Variants in TBC1D24 observed in about 807,000 individuals in gnomAD.
TBC1D24 encodes the protein Infantile myoclonic epilepsy.
A neutral mutation model predicts 50.7 loss-of-function variants in TBC1D24; 47 were observed. That is an observed-to-expected ratio of 0.93 (90% CI 0.73 to 1.18). The LOEUF (loss-of-function observed/expected upper bound fraction) is 1.18, where lower values mean the gene tolerates loss of function less well. TBC1D24 is among the 50% of genes most tolerant of loss of function. The probability of loss-of-function intolerance (pLI) is 0.00; values close to 1 mark genes in which losing one functional copy is unlikely to be tolerated. For missense variants in TBC1D24, 688 were observed against 766.5 expected (o/e 0.90, Z 1.21); for synonymous variants, 324 against 335.2 (o/e 0.97, Z 0.36).
At chr16:2,480,413 A>G (rs1439007076) in intron 1 of TBC1D24, 1 of 152,196 alleles carries the variant, frequency 6.6e-6, no homozygotes. Flanking sequence ...TACAGGCATG[A>G]ACCACTACAC....
intron 1 of TBC1D24, chr16:2,481,848 C>G (rs530947742): frequency 6.6e-6 from 1 of 152,398 alleles, no homozygotes; most frequent in African/African-American, 2.4e-5. Context: ...CACAGGCAGG[C>G]GGGCCAACCG....
chr16:2,496,325 C>T lies in TBC1D24; in HGVS notation c.177C>T (p.Ile59=). 6.8e-6 allele frequency: 11 copies of T among 1,613,634 alleles called. No homozygotes were observed. The highest frequency in any genetic ancestry group is 9.3e-6 in the Non-Finnish European group (11 of 1,180,030). The part of the protein sequence containing the change: ...ALRGKVYQRL[I]RDIPCRTVTP... ...GGGGAAAGGTGTACCAGCGCCTGAT[C>T]CGGGACATTCCCTGCCGCACGGTCA... is the stretch of plus-strand genomic sequence containing the variant. The change falls in exon 2 of 8, where the codon ATC becomes ATT. Residue 59 remains isoleucine, a synonymous_variant. Coordinates refer to ENST00000646147, the MANE Select transcript of TBC1D24 (RefSeq NM_001199107.2).
chr16:2,493,296 G>C (rs1248098435), intron 1 of TBC1D24, among the ~76,000 whole-genome samples: 1 of 151,512 alleles, frequency 6.6e-6, no homozygotes, highest in African/African-American at 2.4e-5. Context: ...CCGCAACCAC[G>C]CCCGGCTAGT....
rs2065650182 is a variant in TBC1D24 at position 2,486,309 on chromosome 16, T to C, written c.-115-9725T>C. On this transcript the variant is annotated intron_variant, in intron 1 of 7. Coordinates refer to ENST00000646147, the MANE Select transcript of TBC1D24 (RefSeq NM_001199107.2). The surrounding 1 kb of genome is among the most constrained non-coding windows in gnomAD (Gnocchi z 5.8). ...CCCACCCATGGGGCCCGGCCTCATT[T>C]CCTCTTCCTCTTCATTCCCGGTCCC... Among the ~76,000 whole-genome samples, 1 of 152,174 alleles carries C rather than the reference T, an allele frequency of 6.6e-6. No homozygotes were observed. Among genetic ancestry groups the C allele is most frequent in the African/African-American group, 2.4e-5 (1 of 41,432 alleles).
chr16:2,498,429 A>G lies in TBC1D24; in HGVS notation c.1142+33A>G, dbSNP rs762195856. On this transcript the variant is annotated intron_variant, in intron 4 of 7. Transcript: ENST00000646147. ...CCCAAGGGGCCAGAGCGGGCGGCAG[A>G]GCCGCCCAGCCACGTGTCCTGCCCA... 5 of 1,572,258 alleles carry G rather than the reference A, an allele frequency of 3.2e-6. No homozygotes were observed. In the Admixed American group the frequency reaches 7.4e-5, roughly 23 times the overall value.
Position 2,500,803 on chromosome 16 carries a change from G to C in TBC1D24, c.1526-1G>C, listed in dbSNP as rs752494065. ...CCGCCACTGACCTGAGCATCCTGCAGGGGGAGGAGGCGGCCAGGCGCTCTA... is the reference window on the plus strand; with the variant it reads ...CCGCCACTGACCTGAGCATCCTGCACGGGGAGGAGGCGGCCAGGCGCTCTA... On this transcript the variant is annotated splice_acceptor_variant, in intron 7 of 7. Transcript: ENST00000646147. LOFTEE classifies it high-confidence loss of function. This position sits in a 1 kb window ranked among gnomAD's most constrained non-coding sequence, Gnocchi z 8.0. The C allele has an allele frequency of 6.2e-7, 1 of 1,603,302 alleles. No individual in the cohort carries two copies. Among genetic ancestry groups the C allele is most frequent in the South Asian group, 1.1e-5 (1 of 90,804 alleles).
intron 3 of TBC1D24, among the ~76,000 whole-genome samples, 156 bp downstream of exon 3, chr16:2,497,883 T>C (rs543393281): frequency 6.6e-6 from 1 of 152,192 alleles, no homozygotes; most frequent in East Asian, 1.9e-4. Context: ...CTTCTGTCTG[T>C]CTGTCTGCCT....
chr16:2,491,361 T>A (rs1389254355), intron 1 of TBC1D24, among the ~76,000 whole-genome samples: 1 of 152,066 alleles, frequency 6.6e-6, no homozygotes, highest in Non-Finnish European at 1.5e-5. Context: ...TTTTTATTTA[T>A]GTATTTATTT....
rs778001053 is a variant in TBC1D24, at chr16:2,496,916, C to T, written c.768C>T (p.Ala256=). 18 of 1,613,910 alleles carry T rather than the reference C, an allele frequency of 1.1e-5. No homozygotes were observed. In the African/African-American group the frequency reaches 1.5e-4, roughly 13 times the overall value. The change falls in exon 2 of 8, where the codon GCC becomes GCT. Residue 256 remains alanine, a synonymous_variant. Coordinates refer to ENST00000646147, the MANE Select transcript of TBC1D24 (RefSeq NM_001199107.2). ...AILKFFHKVR[A]GQPLESDSVK... is the part of the protein sequence containing the mutation. ...TCAAGTTCTTCCACAAGGTGAGGGC[C>T]GGGCAGCCGCTGGAGTCGGACAGCG...
intron 1 of TBC1D24, among the ~76,000 whole-genome samples, chr16:2,493,127 T>C (rs1442166689): frequency 6.6e-6 from 1 of 151,528 alleles, no homozygotes. Flanking sequence ...GCTAAAATGG[T>C]AAATTTTTTG....
chr16:2,493,409 G>T (rs1013418600), intron 1 of TBC1D24, among the ~76,000 whole-genome samples: 3 of 152,138 alleles, frequency 2.0e-5, no homozygotes, highest in Non-Finnish European at 4.4e-5. Flanking sequence ...AAAGTGCTGG[G>T]ATTACAGGCG....
At position 2,501,117 on chromosome 16, in the gene TBC1D24, G is replaced by T. The variant is rs534271033; in HGVS notation, c.*159G>T. On this transcript the variant is annotated 3_prime_UTR_variant, in exon 8 of 8. Coordinates refer to ENST00000646147, the MANE Select transcript of TBC1D24 (RefSeq NM_001199107.2). ...CCTGGCGTTGCCTGGACCTGCTGCT[G>T]CCTCTACCTGGGGTTTGGGCTGGGC... 23 of 931,484 alleles carry T rather than the reference G, an allele frequency of 2.5e-5. No individual in the cohort carries two copies. The highest frequency in any genetic ancestry group is 3.7e-5 in the Non-Finnish European group (23 of 626,716). 57.7% of individuals were successfully genotyped at this position (931,484 alleles called of 1,614,324 possible).
chr16:2,498,956 C>T (rs1013435316), intron 4 of TBC1D24, among the ~76,000 whole-genome samples: 2 of 152,246 alleles, frequency 1.3e-5, no homozygotes, highest in African/African-American at 2.4e-5. Flanking sequence ...AGCCACTTCT[C>T]CTGGCCCTGC....
chr16:2,477,066 G>A (rs2065574765), intron 1 of TBC1D24: 2 of 152,190 alleles, frequency 1.3e-5, no homozygotes, highest in Non-Finnish European at 2.9e-5. Context: ...CATTTACCCT[G>A]TTCAATGTTT....
rs779415838 is a variant in TBC1D24 at position 2,499,838 on chromosome 16, T to C, written c.1210T>C (p.Cys404Arg). Residue 404 changes from cysteine (C) to arginine (R), a missense_variant, in exon 6 of 8, where the codon TGT becomes CGT. Transcript: ENST00000646147. The surrounding 1 kb of genome is among the most constrained non-coding windows in gnomAD (Gnocchi z 4.0). Reference sequence around the variant, plus strand: ...CTCACCCAGACCTTTCCCCCAGGTGTGTGGTGCTTACCTGTCCACAGACTG... The same window carrying C: ...CTCACCCAGACCTTTCCCCCAGGTGCGTGGTGCTTACCTGTCCACAGACTG... ...LLIKTTQKEVCGAYLSTDWSE... is the reference protein window; with the variant it reads ...LLIKTTQKEVRGAYLSTDWSE... 3 of 1,613,776 alleles carry C rather than the reference T, an allele frequency of 1.9e-6. No homozygotes were observed. The highest frequency in any genetic ancestry group is 2.2e-5 in the South Asian group (2 of 91,070).
chr16:2,493,419 G>A lies in TBC1D24; in HGVS notation c.-115-2615G>A, dbSNP rs542540607. On this transcript the variant is annotated intron_variant, in intron 1 of 7. Coordinates refer to ENST00000646147, the MANE Select transcript of TBC1D24 (RefSeq NM_001199107.2). Reference sequence around the variant, plus strand: ...CTCCCAAAGTGCTGGGATTACAGGCGTGAGCCACCGCGTCCGGCCTAACAT... The same window carrying A: ...CTCCCAAAGTGCTGGGATTACAGGCATGAGCCACCGCGTCCGGCCTAACAT... Among the ~76,000 whole-genome samples the A allele has an allele frequency of 6.6e-5, 10 of 152,262 alleles. No individual in the cohort carries two copies. In the South Asian group the frequency reaches 1.9e-3, roughly 28 times the overall value.
At chr16:2,488,127 GGCCCGCCTCCCAGCCCTGGCC>G (rs1232759913) in intron 1 of TBC1D24, among the ~76,000 whole-genome samples, 2 of 152,216 alleles carry the variant, frequency 1.3e-5, no homozygotes, top group Non-Finnish European at 2.9e-5. Flanking sequence ...CTTGACAGAC[GGCCCGCCTCCCAGCCCTGGCC>G]GCCTTCCTCT....
chr16:2,480,866 T>A (rs765345415), intron 1 of TBC1D24: 2 of 152,324 alleles, frequency 1.3e-5, no homozygotes, highest in African/African-American at 2.4e-5. Context: ...GGCAGCCTAG[T>A]AAATCCCAGG....
chr16:2,480,743 C>G (rs1052535468), intron 1 of TBC1D24: 2 of 152,260 alleles, frequency 1.3e-5, no homozygotes, highest in African/African-American at 4.8e-5. Flanking sequence ...GCCTTGCTAC[C>G]TTGGTAAACC....
Sources: gnomAD v4.1 joint callset for allele counts (sites outside exome capture counted in the v4.1 genomes callset) on GRCh38, gnomAD v4.1.1 for gene constraint, Gnocchi (gnomAD v3.1) non-coding constraint, MANE v1.5 for transcripts, NCBI Gene and HGNC (gene_info 2026-07-23, HGNC 2026-07-21) for gene names.